DHRS7B: variants seen among roughly 807,000 people sequenced by gnomAD.
DHRS7B encodes dehydrogenase/reductase 7B, also known as peroxisomal reductase activating PPAR-gamma.
DHRS7B carries 24 observed loss-of-function variants against 26.4 expected under a neutral mutation model. The observed-to-expected ratio is 0.91, with a 90% CI of 0.66 to 1.28. The LOEUF (loss-of-function observed/expected upper bound fraction) is 1.28. Ranked by LOEUF, DHRS7B falls within the 50% of genes most tolerant of loss-of-function variation. The pLI is 0.00. For synonymous variants in DHRS7B, 142 were observed against 166.4 expected (o/e 0.85, Z 1.13); for missense variants, 368 against 419.4 (o/e 0.88, Z 1.07).
At position 21,131,366 on chromosome 17, in the gene DHRS7B, A is replaced by G. The variant is rs561818113; in HGVS notation, c.20+4375A>G. 3.9e-5 allele frequency among the ~76,000 whole-genome samples: 6 copies of G among 152,314 alleles called. No individual in the cohort carries two copies. In the South Asian group the frequency reaches 1.2e-3, roughly 32 times the overall value. On this transcript the variant is annotated intron_variant, in intron 1 of 6. Coordinates refer to ENST00000395511, the MANE Select transcript of DHRS7B (RefSeq NM_015510.5). Reference sequence around the variant, plus strand: ...TGAGAGTTCCTCCCCTTCGTAGACTATATAGGGTAACTTCTTGACATTGCC... The same window carrying G: ...TGAGAGTTCCTCCCCTTCGTAGACTGTATAGGGTAACTTCTTGACATTGCC...
chr17:21,152,748 A>T (rs890226514), intron 1 of DHRS7B, among the ~76,000 whole-genome samples: 1 of 152,178 alleles, frequency 6.6e-6, no homozygotes, highest in African/African-American at 2.4e-5. Context: ...GTAATACTCA[A>T]CCTCAGCTCA....
rs184563997 is a variant in DHRS7B at position 21,171,536 on chromosome 17, G to A, written c.21-482G>A. The A allele has an allele frequency of 1.8e-4, 46 of 257,560 alleles. No individual in the cohort carries two copies. In the East Asian group the frequency reaches 2.7e-3, roughly 15 times the overall value. The allele number at this position is 257,560 out of a possible 1,614,324, so 16.0% of individuals were successfully genotyped here. On this transcript the variant is annotated intron_variant, in intron 1 of 6. Coordinates refer to ENST00000395511, the MANE Select transcript of DHRS7B (RefSeq NM_015510.5). ...GGGGCTGCTCCACCCAGAAACGTCC[G>A]TCCTCTGAGTGTCTGCTCTGAAGAG...
intron 2 of DHRS7B, among the ~76,000 whole-genome samples, chr17:21,176,200 C>T (rs1974374880): frequency 6.6e-6 from 1 of 151,986 alleles, no homozygotes. Context: ...GTTTCCCAGG[C>T]TGGTCTCAAA....
chr17:21,139,336 C>T (rs760860255), intron 1 of DHRS7B, among the ~76,000 whole-genome samples: 6 of 152,128 alleles, frequency 3.9e-5, no homozygotes, highest in African/African-American at 7.2e-5. Context: ...TTGTAACCCC[C>T]GTGCCATATT....
At chr17:21,171,692 G>T in intron 1 of DHRS7B, 1 of 434,034 alleles carries the variant, frequency 2.3e-6, no homozygotes, top group East Asian at 4.6e-5. Context: ...CGAAGGAGAG[G>T]CAGGTGAGTA....
intron 1 of DHRS7B, among the ~76,000 whole-genome samples, chr17:21,139,538 G>A (rs553874599): frequency 3.3e-5 from 5 of 152,172 alleles, no homozygotes; most frequent in African/African-American, 1.2e-4. Flanking sequence ...GCTGGGCGTG[G>A]TGGCACGTGC....
intron 1 of DHRS7B, among the ~76,000 whole-genome samples, chr17:21,163,189 G>C (rs1974036535): frequency 7.8e-6 from 1 of 127,976 alleles, no homozygotes; most frequent in South Asian, 2.7e-4. Context: ...GAGCAAGACT[G>C]TCTCAAAAAA....
At chr17:21,171,456 T>C (rs1974245212) in intron 1 of DHRS7B, among the ~76,000 whole-genome samples, 1 of 152,146 alleles carries the variant, frequency 6.6e-6, no homozygotes, top group African/African-American at 2.4e-5. Context: ...CCCCTTTGGG[T>C]GTCTGTGAGG....
At chr17:21,162,520 T>C (rs1974021136) in intron 1 of DHRS7B, among the ~76,000 whole-genome samples, 1 of 152,118 alleles carries the variant, frequency 6.6e-6, no homozygotes, top group Non-Finnish European at 1.5e-5. Flanking sequence ...ACCACATAGA[T>C]GGTGTGGGAG....
chr17:21,190,802 G>C, intron 6 of DHRS7B, 146 bp from the exon 7 acceptor site: 1 of 763,430 alleles, frequency 1.3e-6, no homozygotes, highest in Non-Finnish European at 2.1e-6. Context: ...ATCAGGGATG[G>C]TGGCACACCA....
intron 1 of DHRS7B, chr17:21,166,564 C>A: frequency 2.9e-6 from 2 of 698,452 alleles, no homozygotes; most frequent in Non-Finnish European, 1.8e-6. Flanking sequence ...GGCAGTTTGA[C>A]CCTGCCTTTA....
At chr17:21,138,075 A>AT (rs1555536193) in intron 1 of DHRS7B, among the ~76,000 whole-genome samples, 5 of 33,230 alleles carry the variant, frequency 1.5e-4, no homozygotes, top group East Asian at 5.3e-4. Context: ...TTAAAAAAAA[A>AT]ATATATATAT....
chr17:21,129,505 A>G (rs1281063448), intron 1 of DHRS7B, among the ~76,000 whole-genome samples: 1 of 152,002 alleles, frequency 6.6e-6, no homozygotes, highest in East Asian at 1.9e-4. Flanking sequence ...CAGGAGTTTG[A>G]GACTAGCCTG....
intron 3 of DHRS7B, among the ~76,000 whole-genome samples, chr17:21,182,844 T>C (rs1385705104): frequency 6.6e-6 from 1 of 152,264 alleles, no homozygotes; most frequent in African/African-American, 2.4e-5. Flanking sequence ...GATATTGCTC[T>C]ATAATTTTCT....
intron 2 of DHRS7B, among the ~76,000 whole-genome samples, chr17:21,173,362 G>A (rs1974303691): frequency 6.6e-6 from 1 of 152,212 alleles, no homozygotes; most frequent in South Asian, 2.1e-4. Context: ...CCAGCCAGAA[G>A]GTACAAAACC....
chr17:21,184,310 C>G, intron 4 of DHRS7B, 61 bp from the exon 5 acceptor site: 1 of 1,454,476 alleles, frequency 6.9e-7, no homozygotes, highest in Non-Finnish European at 9.5e-7. Context: ...CGCCTTCCAT[C>G]AGCATCGGGT....
At chr17:21,183,471 CTT>C in intron 3 of DHRS7B, 121 bp from the exon 4 acceptor site, 1 of 901,290 alleles carries the variant, frequency 1.1e-6, no homozygotes, top group African/African-American at 1.7e-5. Flanking sequence ...GTTTGCTATT[CTT>C]TTTCTAGTTC....
intron 1 of DHRS7B, among the ~76,000 whole-genome samples, chr17:21,146,600 A>G (rs1973649500): frequency 6.6e-6 from 1 of 152,244 alleles, no homozygotes; most frequent in Non-Finnish European, 1.5e-5. Context: ...ATAGTTTGCT[A>G]TATCAAGCAT....
At chr17:21,131,808 A>G (rs1973235931) in intron 1 of DHRS7B, among the ~76,000 whole-genome samples, 1 of 152,182 alleles carries the variant, frequency 6.6e-6, no homozygotes, top group Non-Finnish European at 1.5e-5. Context: ...CTAATTTCTG[A>G]AGGGGATATA....
Sources: allele counts gnomAD v4.1 joint callset (sites outside exome capture counted in the v4.1 genomes callset), GRCh38; gene constraint gnomAD v4.1.1; transcripts MANE v1.5; gene names NCBI Gene and HGNC (gene_info 2026-07-23, HGNC 2026-07-21).